Variants in FSHR observed in about 807,000 individuals in gnomAD.
FSHR encodes the protein follicle stimulating hormone receptor.
FSHR carries 46 observed loss-of-function variants against 52.1 expected under a neutral mutation model. The observed-to-expected ratio is 0.88, with a 90% CI of 0.70 to 1.13. The LOEUF is 1.13. Ranked by LOEUF, FSHR falls within the 50% of genes most tolerant of loss-of-function variation. FSHR has a pLI of 0.00. For missense variants in FSHR, 964 were observed against 834.6 expected, an observed-to-expected ratio of 1.16 and a Z score of -1.91; for synonymous variants, 399 against 309.6, an observed-to-expected ratio of 1.29 and a Z score of -3.03.
In FSHR at chr2:48,962,931, G is replaced by C; in HGVS notation, c.1890C>G (p.Thr630=). Residue 630 remains threonine, a synonymous_variant, in exon 10 of 10, where the codon ACC becomes ACG. Transcript: ENST00000406846. ...CANPFLYAIF[T]KNFRRDFFIL... ...TGAAGAAATCTCTGCGAAAGTTTTT[G>C]GTAAAGATGGCATAGAGGAAGGGGT... The C allele has an allele frequency of 6.2e-7, 1 of 1,614,098 alleles. No individual in the cohort carries two copies. The highest frequency in any genetic ancestry group is 1.3e-5 in the African/African-American group (1 of 75,012).
chr2:49,066,904 C>A (rs574943868), intron 2 of FSHR, among the ~76,000 whole-genome samples: 1 of 152,028 alleles, frequency 6.6e-6, no homozygotes, highest in African/African-American at 2.4e-5. Context: ...GCAAGGGAAT[C>A]GCGAATACAT....
Position 49,121,011 on chromosome 2 carries a change from T to C in FSHR, c.152+33255A>G, listed in dbSNP as rs188318079. ...GGAATTAGAAGTCCTGTAGAGACTT[T>C]CAGATAGCAAGTGATGATAAACCAA... On this transcript the variant is annotated intron_variant, in intron 1 of 9. Coordinates refer to ENST00000406846, the MANE Select transcript of FSHR (RefSeq NM_000145.4). Among the ~76,000 whole-genome samples, 149 of 152,352 alleles carry C rather than the reference T, an allele frequency of 9.8e-4. 1 individual carries two copies. Among genetic ancestry groups the C allele is most frequent in the Admixed American group, 3.0e-3 (46 of 15,300 alleles).
intron 1 of FSHR, among the ~76,000 whole-genome samples, chr2:49,144,000 C>T (rs768272665): frequency 2.6e-5 from 4 of 151,984 alleles, no homozygotes; most frequent in African/African-American, 4.8e-5. Context: ...TGGGAGTGCC[C>T]CTACCCACCC....
At chr2:49,045,794 G>A (rs1484880874) in intron 2 of FSHR, among the ~76,000 whole-genome samples, 2 of 152,134 alleles carry the variant, frequency 1.3e-5, no homozygotes, top group African/African-American at 4.8e-5. Context: ...GCTCAACGCT[G>A]AGTGGGAAGT....
intron 1 of FSHR, among the ~76,000 whole-genome samples, chr2:49,140,574 C>T (rs547857394): frequency 6.6e-6 from 1 of 152,102 alleles, no homozygotes; most frequent in East Asian, 1.9e-4. Context: ...ATGGTGCGTG[C>T]CTGTAATCCC....
rs769180907 is a variant in FSHR at position 48,963,960 on chromosome 2, C to T, written c.861G>A (p.Glu287=). The change falls in exon 10 of 10, where the codon GAG becomes GAA. Residue 287 remains glutamate, a synonymous_variant. Transcript: ENST00000406846. ...TAGATTTGTTGCAAATTGGATGAAG[C>T]TCAGAGCTAGAAAAATACAAAAAGA... is the stretch of plus-strand genomic sequence containing the variant. ...AFANWRRQIS[E]LHPICNKSIL... is the part of the protein sequence containing the mutation. 1.2e-6 allele frequency: 2 copies of T among 1,612,818 alleles called. No homozygotes were observed. Among genetic ancestry groups the T allele is most frequent in the Admixed American group, 1.7e-5 (1 of 60,016 alleles).
At chr2:49,121,162 G>C (rs1232594016) in intron 1 of FSHR, among the ~76,000 whole-genome samples, 1 of 152,184 alleles carries the variant, frequency 6.6e-6, no homozygotes, top group Non-Finnish European at 1.5e-5. Context: ...CACTTATTGA[G>C]CAGCTTCTAT....
At chr2:49,044,268 T>C (rs577340905) in intron 2 of FSHR, among the ~76,000 whole-genome samples, 3 of 152,298 alleles carry the variant, frequency 2.0e-5, no homozygotes, top group Non-Finnish European at 4.4e-5. Context: ...TGGGGGAAAC[T>C]CACATTTTCG....
At chr2:49,003,253 CA>C in intron 4 of FSHR, among the ~76,000 whole-genome samples, 1 of 152,274 alleles carries the variant, frequency 6.6e-6, no homozygotes, top group South Asian at 2.1e-4. Flanking sequence ...TCTACCCAAA[CA>C]AAAAGGTTCC....
At chr2:49,008,295 C>T (rs1397521759) in intron 4 of FSHR, among the ~76,000 whole-genome samples, 144 of 137,522 alleles carry the variant, frequency 1.0e-3, no homozygotes, top group African/African-American at 3.0e-3. Context: ...TTTGTTCTTG[C>T]GATAGTTTAC....
At chr2:49,085,913 A>G (rs1255409632) in intron 1 of FSHR, among the ~76,000 whole-genome samples, 4 of 149,392 alleles carry the variant, frequency 2.7e-5, no homozygotes, top group Middle Eastern at 3.4e-3. Context: ...GAATTGAACA[A>G]TGAGAACACA....
chr2:48,965,968 G>A (rs1674460871), intron 9 of FSHR, among the ~76,000 whole-genome samples: 2 of 152,180 alleles, frequency 1.3e-5, no homozygotes, highest in African/African-American at 4.8e-5. Context: ...ACTCTGATCA[G>A]TCAGTGAACA....
In FSHR at chr2:49,134,546, C is replaced by T. The variant is rs149636669; in HGVS notation, c.152+19720G>A. On this transcript the variant is annotated intron_variant, in intron 1 of 9. Transcript: ENST00000406846. ...TCTAGAACTAGAAATACCATTTGACCCAGCCATCTCATTACTGGGTATATA... is the reference window on the plus strand; with the variant it reads ...TCTAGAACTAGAAATACCATTTGACTCAGCCATCTCATTACTGGGTATATA... Among the ~76,000 whole-genome samples the T allele has an allele frequency of 9.8e-3, 1,493 of 152,170 alleles. 27 individuals carry two copies. Among genetic ancestry groups the T allele is most frequent in the African/African-American group, 0.034 (1,423 of 41,486 alleles).
chr2:49,099,870 T>C (rs1018637411), intron 1 of FSHR, among the ~76,000 whole-genome samples: 1 of 152,146 alleles, frequency 6.6e-6, no homozygotes, highest in African/African-American at 2.4e-5. Flanking sequence ...TGTGAGAGAA[T>C]ACATTTCTGT....
At chr2:48,988,684 T>A (rs962533466) in intron 6 of FSHR, among the ~76,000 whole-genome samples, 1 of 152,254 alleles carries the variant, frequency 6.6e-6, no homozygotes, top group Non-Finnish European at 1.5e-5. Context: ...TAACTAGCTT[T>A]ATTGATGCAT....
intron 4 of FSHR, among the ~76,000 whole-genome samples, chr2:49,005,118 G>C (rs1667033191): frequency 6.6e-6 from 1 of 152,104 alleles, no homozygotes. Flanking sequence ...TAAATTGATG[G>C]ATCAAGTGAT....
chr2:49,146,273 T>C (rs1374278101), intron 1 of FSHR, among the ~76,000 whole-genome samples: 1 of 152,068 alleles, frequency 6.6e-6, no homozygotes, highest in Non-Finnish European at 1.5e-5. Context: ...TTGTAAGCTT[T>C]CTTAAAGGGA....
Position 49,038,624 on chromosome 2 carries a change from C to CAAAA in FSHR, c.225-18468_225-18465dup, listed in dbSNP as rs71401003. Among the ~76,000 whole-genome samples, 39 of 65,444 alleles carry CAAAA rather than the reference C, an allele frequency of 6.0e-4. 3 individuals are homozygous for CAAAA. Among genetic ancestry groups the CAAAA allele is most frequent in the African/African-American group, 2.2e-3 (37 of 16,844 alleles). 42.9% of individuals were successfully genotyped at this position (65,444 alleles called of 152,430 possible). On this transcript the variant is annotated intron_variant, in intron 2 of 9. Transcript: ENST00000406846. Reference sequence around the variant, plus strand: ...TGGGCGACAGAGCAAGACTCTGTCTCAAAATAATAATAATAATAATAATAA... The same window carrying CAAAA: ...TGGGCGACAGAGCAAGACTCTGTCTCAAAAAAAATAATAATAATAATAATAATAA...
At chr2:49,000,697 G>A (rs1473848647) in intron 4 of FSHR, among the ~76,000 whole-genome samples, 2 of 152,104 alleles carry the variant, frequency 1.3e-5, no homozygotes, top group Non-Finnish European at 2.9e-5. Flanking sequence ...TCCTATTCCT[G>A]TACCATGGAA....
Sources: gnomAD v4.1 joint callset for allele counts (sites outside exome capture counted in the v4.1 genomes callset) on GRCh38, gnomAD v4.1.1 for gene constraint, MANE v1.5 for transcripts, NCBI Gene and HGNC (gene_info 2026-07-23, HGNC 2026-07-21) for gene names.